Variants in REEP3 observed in about 807,000 individuals in gnomAD.
The protein encoded by REEP3 is receptor expression-enhancing protein 3.
In REEP3, 20 loss-of-function variants were observed where a neutral mutation model predicts 41.3. The observed-to-expected ratio is 0.48, with a 90% CI of 0.34 to 0.70. The LOEUF (loss-of-function observed/expected upper bound fraction) is 0.70, where lower values mean the gene tolerates loss of function less well. Ranked by LOEUF, REEP3 falls within the 30% of genes least tolerant of loss-of-function variation. The probability of loss-of-function intolerance (pLI) is 0.01; values close to 1 mark genes in which losing one functional copy is unlikely to be tolerated. For synonymous variants in REEP3, 104 were observed against 101.8 expected (o/e 1.02, Z -0.13); for missense variants, 271 against 308.8 (o/e 0.88, Z 0.92).
At chr10:63,566,435 A>G (rs746240596) in intron 2 of REEP3, 25 bp downstream of exon 2, 10 of 1,255,290 alleles carry the variant, frequency 8.0e-6, no homozygotes, top group Non-Finnish European at 1.1e-5. Flanking sequence ...ATGAGTGATT[A>G]ATCTGAGTTT....
intron 1 of REEP3, among the ~76,000 whole-genome samples, chr10:63,549,360 G>A (rs1303125143): frequency 6.6e-6 from 1 of 152,196 alleles, no homozygotes; most frequent in African/African-American, 2.4e-5. Context: ...TTGAGCCCAG[G>A]AGTTGGAGAC....
At chr10:63,555,650 G>C (rs541142484) in intron 1 of REEP3, among the ~76,000 whole-genome samples, 4 of 152,298 alleles carry the variant, frequency 2.6e-5, no homozygotes, top group East Asian at 3.9e-4. Context: ...CGTGGCAAAA[G>C]TCCAGATAAC....
chr10:63,534,591 G>A (rs146822238), intron 1 of REEP3, among the ~76,000 whole-genome samples: 238 of 152,254 alleles, frequency 1.6e-3, no homozygotes, highest in African/African-American at 5.6e-3. Flanking sequence ...ATACTGCCTT[G>A]TTTCAATTGG....
chr10:63,604,563 G>T (rs773467606), intron 5 of REEP3, among the ~76,000 whole-genome samples: 1 of 151,988 alleles, frequency 6.6e-6, no homozygotes, highest in African/African-American at 2.4e-5. Flanking sequence ...AAATGATCCC[G>T]ATTAGGTCAA....
intron 1 of REEP3, among the ~76,000 whole-genome samples, chr10:63,540,997 G>T (rs1955523175): frequency 2.0e-5 from 3 of 152,000 alleles, no homozygotes; most frequent in African/African-American, 4.8e-5. Context: ...TGTTATCATT[G>T]ATTATTTCTG....
chr10:63,604,030 T>C (rs985313377), intron 5 of REEP3, among the ~76,000 whole-genome samples: 1 of 152,196 alleles, frequency 6.6e-6, no homozygotes, highest in Non-Finnish European at 1.5e-5. Flanking sequence ...TTACAATATA[T>C]AGTTTGTTTA....
intron 6 of REEP3, among the ~76,000 whole-genome samples, chr10:63,616,954 A>G (rs1461078321): frequency 6.6e-6 from 1 of 152,186 alleles, no homozygotes; most frequent in Admixed American, 6.5e-5. Flanking sequence ...CATGAGATAT[A>G]ATCCTTTCAT....
intron 2 of REEP3, among the ~76,000 whole-genome samples, chr10:63,591,121 G>GT (rs1190081980): frequency 2.1e-5 from 2 of 95,374 alleles, no homozygotes; most frequent in African/African-American, 7.7e-5. Flanking sequence ...TTGTGTTTTT[G>GT]TTTTTGTTTT....
At chr10:63,606,342 T>TTCTC (rs1192067621) in intron 5 of REEP3, among the ~76,000 whole-genome samples, 3 of 93,086 alleles carry the variant, frequency 3.2e-5, no homozygotes, top group South Asian at 1.0e-3. Context: ...CTTTGTTTCT[T>TTCTC]TCTCTCTCTC....
At chr10:63,527,426 C>A (rs950258445) in intron 1 of REEP3, among the ~76,000 whole-genome samples, 22 of 152,178 alleles carry the variant, frequency 1.4e-4, no homozygotes, top group Non-Finnish European at 2.8e-4. Context: ...AATCCCAACA[C>A]TTTGGGAGGC....
intron 6 of REEP3, among the ~76,000 whole-genome samples, chr10:63,615,522 T>C (rs767557613): frequency 6.6e-5 from 10 of 151,910 alleles, no homozygotes; most frequent in Non-Finnish European, 1.5e-4. Flanking sequence ...GATTCAAGGA[T>C]TGGTTTAATA....
chr10:63,608,088 A>G (rs1956245199), intron 5 of REEP3, among the ~76,000 whole-genome samples: 2 of 152,234 alleles, frequency 1.3e-5, no homozygotes, highest in Middle Eastern at 3.2e-3. Flanking sequence ...AACTACGAAG[A>G]TGAAATAAAG....
chr10:63,611,009 T>C (rs554745370), intron 6 of REEP3, among the ~76,000 whole-genome samples: 3 of 152,180 alleles, frequency 2.0e-5, no homozygotes, highest in South Asian at 2.1e-4. Flanking sequence ...GAGGTGGAGG[T>C]TGCAGTGAGC....
intron 5 of REEP3, among the ~76,000 whole-genome samples, chr10:63,608,199 AG>A: frequency 6.6e-6 from 1 of 152,370 alleles, no homozygotes; most frequent in East Asian, 1.9e-4. Flanking sequence ...CTGTTTGATA[AG>A]TAAATGATAT....
intron 2 of REEP3, among the ~76,000 whole-genome samples, chr10:63,581,317 T>A (rs1258670825): frequency 6.6e-6 from 1 of 151,990 alleles, no homozygotes; most frequent in African/African-American, 2.4e-5. Flanking sequence ...TAAAATAAAA[T>A]CACTCTCCAA....
intron 1 of REEP3, among the ~76,000 whole-genome samples, chr10:63,556,066 C>A (rs1423504468): frequency 3.9e-5 from 6 of 152,040 alleles, no homozygotes; most frequent in South Asian, 4.1e-4. Flanking sequence ...TGAAAAAAAA[C>A]CAGAAAACCA....
chr10:63,553,821 G>A (rs185363806), intron 1 of REEP3, among the ~76,000 whole-genome samples: 1 of 152,168 alleles, frequency 6.6e-6, no homozygotes, highest in Non-Finnish European at 1.5e-5. Flanking sequence ...TAGATTGGCC[G>A]GGGGCGGTGG....
At chr10:63,548,974 T>G (rs892153732) in intron 1 of REEP3, among the ~76,000 whole-genome samples, 1 of 152,030 alleles carries the variant, frequency 6.6e-6, no homozygotes, top group African/African-American at 2.4e-5. Context: ...AAGTGCCCTT[T>G]GAGTTTTTTT....
chr10:63,584,747 C>T (rs543918363), intron 2 of REEP3, among the ~76,000 whole-genome samples: 2 of 152,254 alleles, frequency 1.3e-5, no homozygotes, highest in Non-Finnish European at 1.5e-5. Flanking sequence ...GAGGATCTCT[C>T]TGTTGTCTCT....
Sources: allele counts gnomAD v4.1 joint callset (sites outside exome capture counted in the v4.1 genomes callset), GRCh38; gene constraint gnomAD v4.1.1; transcripts MANE v1.5; gene names NCBI Gene and HGNC (gene_info 2026-07-23, HGNC 2026-07-21).